The following THRAP3 variants were observed in gnomAD, a reference collection of about 807,000 sequenced individuals.
THRAP3 encodes the protein thyroid hormone receptor associated protein 3, also known as thyroid hormone receptor-associated protein 3.
Under a neutral mutation model 101.0 loss-of-function variants are expected in THRAP3, and 16 were observed. The observed-to-expected ratio is 0.16, with a 90% CI of 0.11 to 0.24. THRAP3 has a LOEUF of 0.24. THRAP3 is among the 10% of genes least tolerant of loss of function. The pLI is 1.00. For missense variants in THRAP3, 989 were observed against 1,202.7 expected, an observed-to-expected ratio of 0.82 and a Z score of 2.63; for synonymous variants, 407 against 422.6, an observed-to-expected ratio of 0.96 and a Z score of 0.45.
Position 36,286,283 on chromosome 1 carries a change from G to T in THRAP3, c.138-85G>T. 1 of 1,369,022 alleles carries T rather than the reference G, an allele frequency of 7.3e-7. No homozygotes were observed. Among genetic ancestry groups the T allele is most frequent in the East Asian group, 2.3e-5 (1 of 43,242 alleles). 84.8% of individuals were successfully genotyped at this position (1,369,022 alleles called of 1,614,324 possible). ...AAACTGAAAGTGAATGACACATAAG[G>T]GCAGGGATTTCAGAACAGATTTTTC... is the stretch of plus-strand genomic sequence containing the variant. On this transcript the variant is annotated intron_variant, in intron 3 of 11. Coordinates refer to ENST00000354618, the MANE Select transcript of THRAP3 (RefSeq NM_005119.4). The surrounding 1 kb of genome is among the most constrained non-coding windows in gnomAD (Gnocchi z 5.5).
intron 2 of THRAP3, among the ~76,000 whole-genome samples, chr1:36,279,908 A>C (rs1202159002): frequency 6.6e-6 from 1 of 152,216 alleles, no homozygotes; most frequent in Non-Finnish European, 1.5e-5. Context: ...GACACTTGGC[A>C]TTCATTGGTT....
chr1:36,295,549 C>CTTCCTTCA (rs1314143815), intron 8 of THRAP3, among the ~76,000 whole-genome samples: 1 of 117,746 alleles, frequency 8.5e-6, no homozygotes, highest in Non-Finnish European at 1.9e-5. Flanking sequence ...AAGTTTTTTC[C>CTTCCTTCA]TTCCTTCCTT....
At chr1:36,257,933 C>G (rs762384999) in intron 1 of THRAP3, among the ~76,000 whole-genome samples, 2 of 152,088 alleles carry the variant, frequency 1.3e-5, no homozygotes, top group African/African-American at 4.8e-5. Context: ...CTCTGCTTCC[C>G]GAGTTCAAGG....
intron 9 of THRAP3, among the ~76,000 whole-genome samples, chr1:36,298,118 G>A (rs1392691417): frequency 1.5e-5 from 2 of 129,740 alleles, no homozygotes; most frequent in Admixed American, 9.6e-5. Context: ...CTGCATTCCA[G>A]CCTAGGCGAC....
chr1:36,250,600 A>G (rs947969546), intron 1 of THRAP3, among the ~76,000 whole-genome samples: 1 of 152,012 alleles, frequency 6.6e-6, no homozygotes, highest in Non-Finnish European at 1.5e-5. Flanking sequence ...GACTGACTTT[A>G]TAAGACACAT....
intron 4 of THRAP3, chr1:36,287,949 G>T (rs1270473029): frequency 5.1e-6 from 5 of 981,968 alleles, no homozygotes. Context: ...AGTTGCACTG[G>T]GACCAGGTTG....
intron 2 of THRAP3, among the ~76,000 whole-genome samples, chr1:36,262,764 C>CTATTTTATTT (rs142373623): frequency 1.1e-4 from 17 of 149,596 alleles, no homozygotes; most frequent in South Asian, 4.2e-4. Flanking sequence ...AGTAATGCTT[C>CTATTTTATTT]TATTTTATTT....
At chr1:36,291,308 T>A in intron 5 of THRAP3, 66 bp from the exon 6 acceptor site, 1 of 1,484,584 alleles carries the variant, frequency 6.7e-7, no homozygotes, top group Non-Finnish European at 9.1e-7. Context: ...AAAAAGTATT[T>A]TTATGGTTTT....
intron 1 of THRAP3, among the ~76,000 whole-genome samples, chr1:36,231,161 T>C (rs796632972): frequency 4.6e-5 from 7 of 152,336 alleles, no homozygotes; most frequent in African/African-American, 1.7e-4. Flanking sequence ...ACCTTTTTTT[T>C]CTGTCTTGGT....
chr1:36,274,702 G>A (rs888915985), intron 2 of THRAP3, among the ~76,000 whole-genome samples: 1 of 122,400 alleles, frequency 8.2e-6, no homozygotes, highest in East Asian at 2.4e-4. Context: ...GTGCGATCTT[G>A]TCTCACTGCA....
At chr1:36,217,012 G>GGGAC in the THRAP3 span, among the ~76,000 whole-genome samples, 1 of 152,136 alleles carries the variant, frequency 6.6e-6, no homozygotes, top group African/African-American at 2.4e-5. Context: ...TGTGAGGGAA[G>GGGAC]GGACCACATC....
chr1:36,275,245 G>A (rs1039062116), intron 2 of THRAP3, among the ~76,000 whole-genome samples: 5 of 145,478 alleles, frequency 3.4e-5, no homozygotes, highest in Non-Finnish European at 6.0e-5. Flanking sequence ...AGGTAAGATC[G>A]CACCACTGCA....
At chr1:36,280,248 G>T (rs1437034399) in intron 2 of THRAP3, among the ~76,000 whole-genome samples, 1 of 152,156 alleles carries the variant, frequency 6.6e-6, no homozygotes, top group Non-Finnish European at 1.5e-5. Context: ...CCTCCTCAAG[G>T]ATAAAATGAA....
intron 1 of THRAP3, among the ~76,000 whole-genome samples, chr1:36,254,034 A>G (rs1338813548): frequency 6.6e-6 from 1 of 152,128 alleles, no homozygotes; most frequent in Non-Finnish European, 1.5e-5. Context: ...TTTCATACTC[A>G]GCCCTGAGCT....
the THRAP3 span, among the ~76,000 whole-genome samples, chr1:36,211,221 C>G: frequency 6.6e-6 from 1 of 151,702 alleles, no homozygotes; most frequent in Admixed American, 6.6e-5. Context: ...ATTAACTGTG[C>G]CTGGTGGCAC....
intron 1 of THRAP3, among the ~76,000 whole-genome samples, chr1:36,241,383 G>GTATATATATA (rs199655791): frequency 7.6e-6 from 1 of 132,104 alleles, no homozygotes; most frequent in African/African-American, 3.2e-5. Context: ...ATGATAATGG[G>GTATATATATA]TGTATATATA....
chr1:36,285,433 CATT>C (rs1645782957), intron 3 of THRAP3, among the ~76,000 whole-genome samples: 1 of 152,118 alleles, frequency 6.6e-6, no homozygotes, highest in Non-Finnish European at 1.5e-5. Context: ...AGTTTCTCAT[CATT>C]GACAAGCCTG....
At chr1:36,212,418 CTTTTTTTTTT>C in the THRAP3 span, among the ~76,000 whole-genome samples, 3 of 122,030 alleles carry the variant, frequency 2.5e-5, no homozygotes, top group Non-Finnish European at 5.0e-5. Context: ...TTCTTTCTTT[CTTTTTTTTTT>C]TTTTTTTTTT....
At chr1:36,274,076 TCACACA>T (rs763330875) in intron 2 of THRAP3, among the ~76,000 whole-genome samples, 3,085 of 44,708 alleles carry the variant, frequency 0.069, 99 homozygotes, top group East Asian at 0.25. Context: ...TGTGTGTGTG[TCACACA>T]CACACACACA....
Sources: allele counts gnomAD v4.1 joint callset (sites outside exome capture counted in the v4.1 genomes callset), GRCh38; gene constraint gnomAD v4.1.1; non-coding constraint Gnocchi (gnomAD v3.1); transcripts MANE v1.5; gene names NCBI Gene and HGNC (gene_info 2026-07-23, HGNC 2026-07-21).